The following MYO10 variants were observed in gnomAD, a reference collection of about 807,000 sequenced individuals.
MYO10 encodes the protein unconventional myosin-X.
MYO10 carries 133 observed loss-of-function variants against 257.3 expected under a neutral mutation model. The ratio of observed to expected loss-of-function variants is 0.52; its 90% CI spans 0.45 to 0.60. The LOEUF (loss-of-function observed/expected upper bound fraction) is 0.60, where lower values mean the gene tolerates loss of function less well. Among genes scored for constraint, MYO10 ranks in the 20% least tolerant of loss-of-function variants. The probability of loss-of-function intolerance (pLI) is 0.00; values close to 1 mark genes in which losing one functional copy is unlikely to be tolerated. For missense variants in MYO10, 2,399 were observed against 2,635.7 expected, an observed-to-expected ratio of 0.91 and a Z score of 1.97; for synonymous variants, 1,104 against 1,028.6, an observed-to-expected ratio of 1.07 and a Z score of -1.40.
intron 33 of MYO10, among the ~76,000 whole-genome samples, chr5:16,678,780 G>A (rs1164134793): frequency 5.3e-5 from 8 of 152,128 alleles, no homozygotes; most frequent in African/African-American, 1.4e-4. Flanking sequence ...TTCCTTTGCC[G>A]TCCATCAGTA....
In MYO10 at chr5:16,935,987, A is replaced by G. The variant is rs1580168856; in HGVS notation, c.-179T>C. On this transcript the variant is annotated 5_prime_UTR_variant, in exon 1 of 41. Transcript: ENST00000513610. ...TCCTTCTCACCTTTTGTTCGCCCAA[A>G]CCCAAGTCCCTAACTCGCCCGTCCC... The G allele has an allele frequency of 7.1e-6, 5 of 704,280 alleles. No homozygotes were observed. Among genetic ancestry groups the G allele is most frequent in the African/African-American group, 5.4e-5 (3 of 55,610 alleles). The allele number at this position is 704,280 out of a possible 1,614,324, so 43.6% of individuals were successfully genotyped here.
intron 2 of MYO10, among the ~76,000 whole-genome samples, chr5:16,862,570 AATTTT>A (rs1232305077): frequency 6.6e-6 from 1 of 152,202 alleles, no homozygotes; most frequent in Admixed American, 6.5e-5. Context: ...AAATAAATAT[AATTTT>A]ATTATACAAC....
intron 1 of MYO10, among the ~76,000 whole-genome samples, chr5:16,903,601 T>C (rs1286597218): frequency 6.6e-6 from 1 of 152,076 alleles, no homozygotes; most frequent in Non-Finnish European, 1.5e-5. Context: ...ATGCAGATAA[T>C]AAGCATCAGT....
chr5:16,758,263 C>T, intron 17 of MYO10, 37 bp from the exon 18 acceptor site: 2 of 1,384,646 alleles, frequency 1.4e-6, no homozygotes, highest in Non-Finnish European at 2.1e-6. Context: ...GTGAGGCACA[C>T]ACACCCATTA....
intron 2 of MYO10, among the ~76,000 whole-genome samples, chr5:16,867,382 G>A (rs749595678): frequency 4.6e-5 from 7 of 152,054 alleles, no homozygotes; most frequent in Non-Finnish European, 1.0e-4. Flanking sequence ...TGTGCAGATG[G>A]TGTACTGAAC....
intron 1 of MYO10, chr5:16,902,496 G>A: frequency 1.9e-6 from 3 of 1,551,038 alleles, no homozygotes; most frequent in Non-Finnish European, 2.6e-6. Context: ...GTCCCTGACT[G>A]CTGCGGCCTC....
At chr5:16,668,807 A>G (rs78416691) in intron 39 of MYO10, among the ~76,000 whole-genome samples, 2,452 of 152,260 alleles carry the variant, frequency 0.016, 62 homozygotes, top group African/African-American at 0.053. Context: ...GGGGGACTTA[A>G]GGAAGCTTCC....
At chr5:16,687,502 G>A (rs887260126) in intron 28 of MYO10, among the ~76,000 whole-genome samples, 5 of 151,082 alleles carry the variant, frequency 3.3e-5, no homozygotes, top group African/African-American at 9.7e-5. Context: ...CCTGCTGGGG[G>A]CTTATAAGAC....
chr5:16,912,842 AC>A (rs1745702601), intron 1 of MYO10, among the ~76,000 whole-genome samples: 1 of 151,086 alleles, frequency 6.6e-6, no homozygotes, highest in South Asian at 2.1e-4. Flanking sequence ...ACACACACAC[AC>A]ACACACCATG....
At chr5:16,863,923 C>T (rs77692738) in intron 2 of MYO10, among the ~76,000 whole-genome samples, 7,785 of 152,224 alleles carry the variant, frequency 0.051, 281 homozygotes, top group South Asian at 0.17. Context: ...CAAGGCAAAA[C>T]TTCATCACTA....
intron 27 of MYO10, 89 bp from the exon 28 acceptor site, chr5:16,690,008 G>C (rs1579831484): frequency 1.2e-5 from 11 of 942,624 alleles, no homozygotes; most frequent in Non-Finnish European, 1.7e-5. Context: ...AATGACTAGA[G>C]TTGGGAACTG....
rs902971686 is a variant in MYO10, at chr5:16,662,789, T to C, written c.*3903A>G. ...TTTCCCATGCTGTTCTTGTCCATAG[T>C]GAGTATGTCTCGGAAGAGCTAATGG... On this transcript the variant is annotated 3_prime_UTR_variant, in exon 41 of 41. Transcript: ENST00000513610. The C allele has an allele frequency of 6.6e-6, 1 of 152,100 alleles. No homozygotes were observed. The highest frequency in any genetic ancestry group is 6.5e-5 in the Admixed American group (1 of 15,270). The allele number at this position is 152,100 out of a possible 1,614,324, so 9.4% of individuals were successfully genotyped here. A position where few individuals can be genotyped will look rare whatever the true frequency, so the allele number is the denominator to read the frequency against.
At chr5:16,794,912 G>T in intron 3 of MYO10, 79 bp from the exon 4 acceptor site, 1 of 1,148,218 alleles carries the variant, frequency 8.7e-7, no homozygotes, top group Non-Finnish European at 1.1e-6. Flanking sequence ...CCCACCGAGT[G>T]TGCGCCAGGG....
chr5:16,727,875 C>CAAAAAA (rs527975903), intron 19 of MYO10, among the ~76,000 whole-genome samples: 2 of 93,986 alleles, frequency 2.1e-5, no homozygotes, highest in African/African-American at 6.9e-5. Flanking sequence ...CCCCCCAGCC[C>CAAAAAA]AAAAAAAAAA....
At chr5:16,705,934 C>T (rs1450857609) in intron 21 of MYO10, among the ~76,000 whole-genome samples, 1 of 152,136 alleles carries the variant, frequency 6.6e-6, no homozygotes, top group East Asian at 1.9e-4. Flanking sequence ...GTAATCCCAG[C>T]ACTCTGGGAG....
rs748066019 is a variant in MYO10, at chr5:16,694,613, A to T, written c.3558T>A (p.Gly1186=). The part of the protein sequence containing the change: ...PYFHSFLYMK[G]GLMNSWKRRW... Reference sequence around the variant, plus strand: ...GGCGTTTCCAAGAGTTCATCAGGCCACCTGTTCCCCGTGAGATTGGGTAGA... The same window carrying T: ...GGCGTTTCCAAGAGTTCATCAGGCCTCCTGTTCCCCGTGAGATTGGGTAGA... Residue 1186 remains glycine (G), a splice_region_variant and synonymous_variant, in exon 27 of 41, where the codon GGT becomes GGA. Transcript: ENST00000513610. 1 of 1,613,620 alleles carries T rather than the reference A, an allele frequency of 6.2e-7. No individual in the cohort carries two copies. Among genetic ancestry groups the T allele is most frequent in the East Asian group, 2.2e-5 (1 of 44,868 alleles).
At chr5:16,757,316 G>GCA (rs1183703448) in intron 18 of MYO10, among the ~76,000 whole-genome samples, 134 of 81,028 alleles carry the variant, frequency 1.7e-3, no homozygotes, top group Middle Eastern at 0.013. Flanking sequence ...ACACACACAC[G>GCA]CACACACACA....
intron 27 of MYO10, among the ~76,000 whole-genome samples, chr5:16,693,025 G>C (rs1297928222): frequency 6.6e-6 from 1 of 152,178 alleles, no homozygotes. Context: ...CCAGCACTTG[G>C]GAGACCAAGG....
At chr5:16,805,734 C>T (rs1380198392) in intron 3 of MYO10, among the ~76,000 whole-genome samples, 3 of 152,110 alleles carry the variant, frequency 2.0e-5, no homozygotes, top group African/African-American at 7.2e-5. Context: ...ATAGGAAGTA[C>T]ATTCTATTTT....
Sources: gnomAD v4.1 joint callset for allele counts (sites outside exome capture counted in the v4.1 genomes callset) on GRCh38, gnomAD v4.1.1 for gene constraint, MANE v1.5 for transcripts, NCBI Gene and HGNC (gene_info 2026-07-23, HGNC 2026-07-21) for gene names.